Variants in SLC35F1 observed in about 807,000 individuals in gnomAD.
SLC35F1 encodes the protein chromosome 6 open reading frame 169.
SLC35F1 carries 14 observed loss-of-function variants against 48.7 expected under a neutral mutation model. The ratio of observed to expected loss-of-function variants is 0.29; its 90% CI spans 0.19 to 0.45. SLC35F1 has a LOEUF of 0.45. SLC35F1 is among the 20% of genes least tolerant of loss of function. The pLI is 1.00. For missense variants in SLC35F1, 404 were observed against 500.0 expected, an observed-to-expected ratio of 0.81 and a Z score of 1.83; for synonymous variants, 190 against 202.2, an observed-to-expected ratio of 0.94 and a Z score of 0.51.
At chr6:118,159,972 A>G (rs1200504818) in intron 2 of SLC35F1, among the ~76,000 whole-genome samples, 2 of 152,098 alleles carry the variant, frequency 1.3e-5, no homozygotes, top group East Asian at 3.9e-4. Context: ...CCATTTTTCC[A>G]CATTCTTGTT....
chr6:118,212,771 G>GGAGCA, intron 2 of SLC35F1, among the ~76,000 whole-genome samples: 1 of 131,434 alleles, frequency 7.6e-6, no homozygotes, highest in South Asian at 2.7e-4. Context: ...AGGAAGGAAG[G>GGAGCA]AAGGAAGGAA....
intron 1 of SLC35F1, among the ~76,000 whole-genome samples, chr6:118,151,397 G>A (rs994584192): frequency 6.6e-6 from 1 of 152,148 alleles, no homozygotes; most frequent in African/African-American, 2.4e-5. Flanking sequence ...TCATTTGGAA[G>A]TTCATCTGGC....
chr6:117,983,576 C>CGAAAAA (rs1369709432), intron 1 of SLC35F1, among the ~76,000 whole-genome samples: 1 of 151,372 alleles, frequency 6.6e-6, no homozygotes, highest in Non-Finnish European at 1.5e-5. Context: ...GACGCAGTGT[C>CGAAAAA]GAAAAAGAAA....
chr6:118,077,373 C>A (rs1315140753), intron 1 of SLC35F1, among the ~76,000 whole-genome samples: 2 of 152,120 alleles, frequency 1.3e-5, no homozygotes, highest in Admixed American at 6.5e-5. Flanking sequence ...CAATGCATCA[C>A]CCTAGTAAAT....
At chr6:117,922,415 G>T (rs534195341) in intron 1 of SLC35F1, among the ~76,000 whole-genome samples, 2 of 152,266 alleles carry the variant, frequency 1.3e-5, no homozygotes, top group South Asian at 4.1e-4. Flanking sequence ...TATATCATTT[G>T]CATGTTACTT....
intron 2 of SLC35F1, among the ~76,000 whole-genome samples, chr6:118,184,468 C>G (rs1774628475): frequency 6.6e-6 from 1 of 152,184 alleles, no homozygotes; most frequent in South Asian, 2.1e-4. Flanking sequence ...TCTGAGTAAG[C>G]AACCAATGCC....
chr6:118,238,519 T>C (rs1421479333), intron 3 of SLC35F1, among the ~76,000 whole-genome samples: 1 of 152,082 alleles, frequency 6.6e-6, no homozygotes, highest in Non-Finnish European at 1.5e-5. Flanking sequence ...TCAGGATAGT[T>C]GGCCAAATGT....
chr6:118,127,050 T>C (rs533925221), intron 1 of SLC35F1, among the ~76,000 whole-genome samples: 15 of 151,158 alleles, frequency 9.9e-5, no homozygotes, highest in African/African-American at 3.6e-4. Flanking sequence ...GGCATCCCTG[T>C]CTTGTGCCAG....
intron 2 of SLC35F1, among the ~76,000 whole-genome samples, chr6:118,169,710 G>T (rs1271176348): frequency 6.6e-6 from 1 of 151,978 alleles, no homozygotes; most frequent in East Asian, 1.9e-4. Context: ...ATAGGCACTG[G>T]ATGACCATGT....
At chr6:118,068,430 G>A (rs4501453) in intron 1 of SLC35F1, among the ~76,000 whole-genome samples, 149,347 of 152,310 alleles carry the variant, frequency 0.98, 73,288 homozygotes, top group Middle Eastern at 1. Context: ...AGGAGAATCA[G>A]ATAGGAAGAG....
At chr6:118,116,475 A>G (rs1052634316) in intron 1 of SLC35F1, among the ~76,000 whole-genome samples, 1 of 152,230 alleles carries the variant, frequency 6.6e-6, no homozygotes, top group African/African-American at 2.4e-5. Flanking sequence ...GGGCATTCAT[A>G]GGAATAAAGC....
chr6:118,183,831 C>T (rs1286030667), intron 2 of SLC35F1, among the ~76,000 whole-genome samples: 3 of 152,138 alleles, frequency 2.0e-5, no homozygotes, highest in Non-Finnish European at 4.4e-5. Context: ...TTCTTCCAGC[C>T]ATAATCTTTT....
chr6:118,290,580 T>C (rs401172), intron 7 of SLC35F1, among the ~76,000 whole-genome samples: 9,375 of 152,124 alleles, frequency 0.062, 341 homozygotes, highest in South Asian at 0.094. Flanking sequence ...TTATTTGCCT[T>C]AAAGAGTCTC....
At chr6:118,058,719 A>C (rs529115366) in intron 1 of SLC35F1, among the ~76,000 whole-genome samples, 2 of 152,252 alleles carry the variant, frequency 1.3e-5, no homozygotes, top group Admixed American at 1.3e-4. Context: ...CTGATATTAT[A>C]AGTTGGAATT....
At chr6:117,938,237 C>T (rs545681897) in intron 1 of SLC35F1, among the ~76,000 whole-genome samples, 2 of 152,218 alleles carry the variant, frequency 1.3e-5, no homozygotes, top group East Asian at 3.9e-4. Flanking sequence ...ATCTGTCAGT[C>T]TAAGTCATCT....
chr6:118,274,588 A>G (rs1775896782), intron 4 of SLC35F1, among the ~76,000 whole-genome samples: 1 of 152,000 alleles, frequency 6.6e-6, no homozygotes, highest in Non-Finnish European at 1.5e-5. Context: ...AGTAGAGACA[A>G]GGTTTTGCCA....
At chr6:118,065,059 A>G (rs148241860) in intron 1 of SLC35F1, among the ~76,000 whole-genome samples, 70 of 152,272 alleles carry the variant, frequency 4.6e-4, no homozygotes, top group African/African-American at 1.7e-3. Flanking sequence ...AAGAATCCTA[A>G]ATTATTGCAT....
chr6:118,038,163 T>C (rs1772161574), intron 1 of SLC35F1, among the ~76,000 whole-genome samples: 1 of 152,198 alleles, frequency 6.6e-6, no homozygotes, highest in Non-Finnish European at 1.5e-5. Flanking sequence ...ATTAAAAGCC[T>C]ACTGAAAAAT....
chr6:117,933,254 A>G (rs1776123663), intron 1 of SLC35F1, among the ~76,000 whole-genome samples: 1 of 152,180 alleles, frequency 6.6e-6, no homozygotes, highest in Non-Finnish European at 1.5e-5. Flanking sequence ...ATCAGTACGT[A>G]CCATATTCTA....
Sources: gnomAD v4.1 joint callset for allele counts (sites outside exome capture counted in the v4.1 genomes callset) on GRCh38, gnomAD v4.1.1 for gene constraint, MANE v1.5 for transcripts, NCBI Gene and HGNC (gene_info 2026-07-23, HGNC 2026-07-21) for gene names.